The following SNRNP70 variants were observed in gnomAD, a reference collection of about 807,000 sequenced individuals.
SNRNP70 encodes the protein small nuclear ribonucleoprotein U1 subunit 70, also known as U1 small nuclear ribonucleoprotein 70 kDa.
A neutral mutation model predicts 50.5 loss-of-function variants in SNRNP70; 8 were observed. The observed-to-expected ratio is 0.16, with a 90% CI of 0.09 to 0.29. SNRNP70 has a LOEUF of 0.29. Among genes scored for constraint, SNRNP70 ranks in the 10% least tolerant of loss-of-function variants. The pLI is 1.00. For synonymous variants in SNRNP70, 320 were observed against 252.9 expected, an observed-to-expected ratio of 1.27 and a Z score of -2.52; for missense variants, 529 against 663.5, an observed-to-expected ratio of 0.80 and a Z score of 2.23.
rs185047226 is a variant in SNRNP70 at position 49,090,252 on chromosome 19, C to A, written c.148-39C>A. The stretch of plus-strand genomic sequence containing the variant: ...GGTGAGTGTCCCTTGCCATTTCCCC[C>A]AGTCCTTCCCACCCTGTCACCTCTC... On this transcript the variant is annotated intron_variant, in intron 2 of 9. Coordinates refer to ENST00000598441, the MANE Select transcript of SNRNP70 (RefSeq NM_003089.6). 4.2e-5 allele frequency: 66 copies of A among 1,582,538 alleles called. No individual in the cohort carries two copies. In the South Asian group the frequency reaches 6.7e-4, roughly 16 times the overall value.
intron 4 of SNRNP70, among the ~76,000 whole-genome samples, chr19:49,096,935 G>A (rs2040521123): frequency 6.6e-6 from 1 of 152,080 alleles, no homozygotes; most frequent in Admixed American, 6.6e-5. Context: ...TTCGAGACCA[G>A]CCTGGCCAAC....
At chr19:49,086,304 G>A (rs1043543984) in intron 1 of SNRNP70, 101 bp from the exon 2 acceptor site, 9 of 1,355,524 alleles carry the variant, frequency 6.6e-6, no homozygotes, top group African/African-American at 1.5e-5. Flanking sequence ...TTAATTCCGA[G>A]ACTTTTCTCC....
At position 49,107,242 on chromosome 19, in the gene SNRNP70, A is replaced by G. The variant is rs969870023; in HGVS notation, c.578-383A>G. 1.3e-5 allele frequency among the ~76,000 whole-genome samples: 2 copies of G among 152,104 alleles called. No homozygotes were observed. Among genetic ancestry groups the G allele is most frequent in the Non-Finnish European group, 1.5e-5 (1 of 68,024 alleles). Reference sequence around the variant, plus strand: ...AGGAGTTTGGACCTTAGGCTGGGGGACGCCAGCAAAGGCTTCTAAGCAGAT... The same window carrying G: ...AGGAGTTTGGACCTTAGGCTGGGGGGCGCCAGCAAAGGCTTCTAAGCAGAT... On this transcript the variant is annotated intron_variant, in intron 8 of 9. Transcript: ENST00000598441. This position sits in a 1 kb window ranked among gnomAD's most constrained non-coding sequence, Gnocchi z 6.0.
intron 8 of SNRNP70, among the ~76,000 whole-genome samples, chr19:49,106,537 C>T (rs866418896): frequency 2.6e-5 from 4 of 152,188 alleles, no homozygotes; most frequent in African/African-American, 9.7e-5. Flanking sequence ...TGGCAGGTGC[C>T]TGGTCCGCTG....
At chr19:49,092,108 T>C (rs2040454365) in intron 4 of SNRNP70, among the ~76,000 whole-genome samples, 1 of 151,964 alleles carries the variant, frequency 6.6e-6, no homozygotes, top group South Asian at 2.1e-4. Context: ...TTTTGTTTGT[T>C]TGTTTGTTTG....
At chr19:49,087,716 G>C (rs570664128) in intron 2 of SNRNP70, 10 of 152,322 alleles carry the variant, frequency 6.6e-5, no homozygotes, top group African/African-American at 1.7e-4. Context: ...TCTAGCATTG[G>C]GTAGGTAAGG....
At chr19:49,097,728 A>T (rs759919719) in intron 4 of SNRNP70, among the ~76,000 whole-genome samples, 2 of 152,140 alleles carry the variant, frequency 1.3e-5, no homozygotes, top group Non-Finnish European at 2.9e-5. Context: ...CACCTATGAA[A>T]TTGGTTTCTT....
At chr19:49,089,147 A>C (rs551385290) in intron 2 of SNRNP70, among the ~76,000 whole-genome samples, 1 of 152,316 alleles carries the variant, frequency 6.6e-6, no homozygotes, top group Non-Finnish European at 1.5e-5. Context: ...TTTGCTTTTG[A>C]TAAATATGAT....
At chr19:49,087,373 A>G (rs1555736254) in intron 2 of SNRNP70, among the ~76,000 whole-genome samples, 2 of 152,066 alleles carry the variant, frequency 1.3e-5, no homozygotes, top group Non-Finnish European at 2.9e-5. Context: ...CACCCTTATA[A>G]TGTTGGTGGA....
chr19:49,097,335 G>A (rs1806713), intron 4 of SNRNP70, among the ~76,000 whole-genome samples: 54,955 of 151,884 alleles, frequency 0.36, 10,520 homozygotes, highest in South Asian at 0.45. Context: ...ACTTCCATTT[G>A]CAAAATAGTA....
At chr19:49,099,176 G>A (rs955054422) in intron 6 of SNRNP70, among the ~76,000 whole-genome samples, 1 of 152,192 alleles carries the variant, frequency 6.6e-6, no homozygotes, top group African/African-American at 2.4e-5. Context: ...TATCTAACAT[G>A]GGAGACGCAT....
chr19:49,107,935 G>A lies in SNRNP70; in HGVS notation c.806G>A (p.Arg269His), dbSNP rs964310275. Residue 269 changes from arginine (R) to histidine (H), a missense_variant, in exon 10 of 10, where the codon CGC (arginine) becomes CAC (histidine). This residue lies in a region of SNRNP70 where 327 missense variants were observed against 308.8 expected (regional missense o/e 1.06). Transcript: ENST00000598441. This position sits in a 1 kb window ranked among gnomAD's most constrained non-coding sequence, Gnocchi z 6.0. Reference protein sequence around the residue: ...SRDRRRRSRSRDKEERRRSRE... With the variant: ...SRDRRRRSRSHDKEERRRSRE... Reference sequence around the variant, plus strand: ...GACCGGCGGAGGCGCTCACGGAGTCGCGACAAGGAGGAGCGGAGGCGCTCC... The same window carrying A: ...GACCGGCGGAGGCGCTCACGGAGTCACGACAAGGAGGAGCGGAGGCGCTCC... 7.1e-6 allele frequency: 11 copies of A among 1,547,730 alleles called. No homozygotes were observed. The highest frequency in any genetic ancestry group is 9.6e-6 in the Non-Finnish European group (11 of 1,146,298).
At position 49,104,741 on chromosome 19, in the gene SNRNP70, C is replaced by CA. The variant is rs2122395267; in HGVS notation, c.577+7dup. 2.0e-6 allele frequency: 3 copies of CA among 1,533,998 alleles called. No individual in the cohort carries two copies. Among genetic ancestry groups the CA allele is most frequent in the Admixed American group, 2.0e-5 (1 of 49,458 alleles). Reference sequence around the variant, plus strand: ...CTGGAGGCCCCGGCGGCTAGGTGAGCACATCCTGCCTTCGACGGGCTCTCG... The same window carrying CA: ...CTGGAGGCCCCGGCGGCTAGGTGAGCAACATCCTGCCTTCGACGGGCTCTCG... On this transcript the variant is annotated splice_region_variant and intron_variant, in intron 8 of 9. Coordinates refer to ENST00000598441, the MANE Select transcript of SNRNP70 (RefSeq NM_003089.6). The surrounding 1 kb of genome is among the most constrained non-coding windows in gnomAD (Gnocchi z 5.4).
Position 49,090,307 on chromosome 19 carries a change from C to A in SNRNP70, c.164C>A (p.Pro55His). 1 of 1,614,042 alleles carries A rather than the reference C, an allele frequency of 6.2e-7. No homozygotes were observed. Among genetic ancestry groups the A allele is most frequent in the Non-Finnish European group, 8.5e-7 (1 of 1,180,002 alleles). Residue 55 changes from proline (P) to histidine (H), a missense_variant, in exon 3 of 10, where the codon CCT (proline) becomes CAT (histidine). Transcript: ENST00000598441. ...TGTTCCCAGGACCCTCGAGATGCCC[C>A]TCCTCCAACTCGTGCTGAAACCCGA... ...IREFEDPRDA[P>H]PPTRAETREE...
At chr19:49,096,731 A>G (rs1417986711) in intron 4 of SNRNP70, among the ~76,000 whole-genome samples, 2 of 151,574 alleles carry the variant, frequency 1.3e-5, no homozygotes, top group African/African-American at 4.8e-5. Flanking sequence ...CTCGCCATCC[A>G]TTGCACTGAC....
chr19:49,086,323 T>C (rs113080554), intron 1 of SNRNP70, 82 bp from the exon 2 acceptor site: 2 of 1,442,042 alleles, frequency 1.4e-6, no homozygotes, highest in Admixed American at 4.5e-5. Context: ...CCTGTCTTTC[T>C]TATTTTGAGA....
intron 4 of SNRNP70, among the ~76,000 whole-genome samples, chr19:49,091,601 G>A (rs556751882): frequency 1.2e-4 from 18 of 152,212 alleles, no homozygotes; most frequent in African/African-American, 2.9e-4. Context: ...ATCATCAAAC[G>A]ACGCACTTCT....
chr19:49,104,765 C>A lies in SNRNP70; in HGVS notation c.577+30C>A. The A allele has an allele frequency of 6.9e-7, 1 of 1,446,290 alleles. No homozygotes were observed. Among genetic ancestry groups the A allele is most frequent in the African/African-American group, 1.4e-5 (1 of 70,418 alleles). 89.6% of individuals were successfully genotyped at this position (1,446,290 alleles called of 1,614,324 possible). ...GCACATCCTGCCTTCGACGGGCTCT[C>A]GGGGGCCCTGGGCCTGGTGGCCTTG... On this transcript the variant is annotated intron_variant, in intron 8 of 9. Coordinates refer to ENST00000598441, the MANE Select transcript of SNRNP70 (RefSeq NM_003089.6). This position sits in a 1 kb window ranked among gnomAD's most constrained non-coding sequence, Gnocchi z 5.4.
chr19:49,094,983 C>G (rs1004472864), intron 4 of SNRNP70, among the ~76,000 whole-genome samples: 1 of 152,248 alleles, frequency 6.6e-6, no homozygotes, highest in South Asian at 2.1e-4. Context: ...TAGATGAGCC[C>G]TCAACCAGTG....
Sources: allele counts gnomAD v4.1 joint callset (sites outside exome capture counted in the v4.1 genomes callset), GRCh38; gene constraint gnomAD v4.1.1; regional missense constraint gnomAD v4.1.1; non-coding constraint Gnocchi (gnomAD v3.1); transcripts MANE v1.5; gene names NCBI Gene and HGNC (gene_info 2026-07-23, HGNC 2026-07-21).